GRAMD1B: variants seen among roughly 807,000 people sequenced by gnomAD.
GRAMD1B encodes the protein protein Aster-B.
A neutral mutation model predicts 99.7 loss-of-function variants in GRAMD1B; 37 were observed. That is an observed-to-expected ratio of 0.37 (90% CI 0.29 to 0.49). GRAMD1B has a LOEUF of 0.49. Among genes scored for constraint, GRAMD1B ranks in the 20% least tolerant of loss-of-function variants. The pLI, the probability that GRAMD1B is intolerant of heterozygous loss-of-function variation, is 0.98. For synonymous variants in GRAMD1B, 427 were observed against 387.6 expected (o/e 1.10, Z -1.19); for missense variants, 888 against 1,009.2 (o/e 0.88, Z 1.63).
intron 4 of GRAMD1B, among the ~76,000 whole-genome samples, chr11:123,589,992 T>C (rs1184970301): frequency 1.3e-5 from 2 of 152,202 alleles, no homozygotes; most frequent in Non-Finnish European, 2.9e-5. Context: ...ACCCCACTGC[T>C]GTCTCATCCC....
At chr11:123,597,129 CTTTTT>C (rs35382306) in intron 7 of GRAMD1B, among the ~76,000 whole-genome samples, 3 of 137,100 alleles carry the variant, frequency 2.2e-5, no homozygotes, top group Non-Finnish European at 3.2e-5. Context: ...AGTCCAACTC[CTTTTT>C]TTTTTTTTTT....
intron 1 of GRAMD1B, among the ~76,000 whole-genome samples, chr11:123,437,088 C>CT (rs1322070836): frequency 1.3e-5 from 2 of 152,102 alleles, no homozygotes; most frequent in East Asian, 1.9e-4. Context: ...TGAACTCATC[C>CT]TTTTTTATGG....
At chr11:123,603,724 C>T (rs1952308285) in intron 9 of GRAMD1B, among the ~76,000 whole-genome samples, 183 bp downstream of exon 9, 1 of 152,228 alleles carries the variant, frequency 6.6e-6, no homozygotes, top group Non-Finnish European at 1.5e-5. Flanking sequence ...AGGGCCTGGC[C>T]ATCTTTATGG....
At chr11:123,454,055 C>G (rs1950005489) in intron 1 of GRAMD1B, among the ~76,000 whole-genome samples, 1 of 152,236 alleles carries the variant, frequency 6.6e-6, no homozygotes, top group Non-Finnish European at 1.5e-5. Flanking sequence ...CTGAGTGTGA[C>G]TTTTATCCTG....
intron 1 of GRAMD1B, among the ~76,000 whole-genome samples, chr11:123,415,073 C>A (rs865875791): frequency 5.4e-5 from 6 of 112,030 alleles, no homozygotes; most frequent in South Asian, 3.2e-4. Context: ...TCTTTTTTTT[C>A]TTTTTTCTTT....
intron 1 of GRAMD1B, among the ~76,000 whole-genome samples, chr11:123,369,448 C>A (rs1392448704): frequency 6.6e-6 from 1 of 151,918 alleles, no homozygotes; most frequent in Non-Finnish European, 1.5e-5. Flanking sequence ...AAAATAAGAA[C>A]AAATAAACAA....
At chr11:123,411,694 A>G (rs1404959957) in intron 1 of GRAMD1B, among the ~76,000 whole-genome samples, 2 of 152,142 alleles carry the variant, frequency 1.3e-5, no homozygotes, top group African/African-American at 2.4e-5. Context: ...TTGCTCTGTC[A>G]CACAGGCTGG....
intron 17 of GRAMD1B, among the ~76,000 whole-genome samples, chr11:123,617,980 A>G (rs952181292): frequency 6.6e-6 from 1 of 152,170 alleles, no homozygotes; most frequent in African/African-American, 2.4e-5. Context: ...TATCAGGTTG[A>G]GGCAGGGAAC....
intron 1 of GRAMD1B, among the ~76,000 whole-genome samples, chr11:123,372,252 T>C (rs1428620723): frequency 6.6e-6 from 1 of 152,238 alleles, no homozygotes; most frequent in Admixed American, 6.5e-5. Context: ...CTTGGTTTTA[T>C]GGTGAATTCT....
upstream of GRAMD1B, among the ~76,000 whole-genome samples, chr11:123,428,753 T>C (rs1948742272): frequency 6.6e-6 from 1 of 152,222 alleles, no homozygotes; most frequent in Non-Finnish European, 1.5e-5. Flanking sequence ...TCGGGACACT[T>C]GTGAAATGTG....
intron 2 of GRAMD1B, 143 bp from the exon 3 acceptor site, chr11:123,577,224 C>A: frequency 1.4e-6 from 1 of 715,616 alleles, no homozygotes; most frequent in South Asian, 1.7e-5. Context: ...GCCTGGGCCC[C>A]TCTCTCCCGG....
rs1438852782 is a variant in GRAMD1B at position 123,542,017 on chromosome 11, A to T, written c.453-35350A>T. ...AGATGAGTACCCCTTCCAGAGTGTG[A>T]CTGTCGACCACTTCCCATCACTCCC... is the stretch of plus-strand genomic sequence containing the variant. On this transcript the variant is annotated intron_variant, in intron 2 of 19. Transcript: ENST00000635736. Among the ~76,000 whole-genome samples, 10 of 152,322 alleles carry T rather than the reference A, an allele frequency of 6.6e-5. No homozygotes were observed. In the East Asian group the frequency reaches 1.9e-3, roughly 29 times the overall value.
intron 2 of GRAMD1B, among the ~76,000 whole-genome samples, chr11:123,557,198 A>G (rs1031080855): frequency 6.6e-6 from 1 of 152,234 alleles, no homozygotes; most frequent in African/African-American, 2.4e-5. Flanking sequence ...CACTGCACAT[A>G]AATAGTACTC....
chr11:123,434,122 CG>C (rs1301445777), intron 1 of GRAMD1B, among the ~76,000 whole-genome samples: 6 of 147,726 alleles, frequency 4.1e-5, no homozygotes, highest in Non-Finnish European at 8.9e-5. Context: ...CCCAGCTACT[CG>C]GGAGGCTGAG....
At chr11:123,513,479 G>A (rs1203406201) in intron 2 of GRAMD1B, among the ~76,000 whole-genome samples, 3 of 151,578 alleles carry the variant, frequency 2.0e-5, no homozygotes, top group African/African-American at 4.9e-5. Flanking sequence ...CTGAGAGTTA[G>A]TTTCCTTCCT....
At chr11:123,451,193 C>T (rs1949871838) in intron 1 of GRAMD1B, among the ~76,000 whole-genome samples, 1 of 152,222 alleles carries the variant, frequency 6.6e-6, no homozygotes, top group Non-Finnish European at 1.5e-5. Context: ...GCCATGGGCT[C>T]TCCCACGGAA....
intron 7 of GRAMD1B, chr11:123,598,019 T>C: frequency 7.7e-7 from 1 of 1,298,226 alleles, no homozygotes. Flanking sequence ...TTCATATTCT[T>C]CCTCAGTGTC....
rs760816139 is a variant in GRAMD1B, at chr11:123,619,274, T to A, written c.2544+50T>A. On this transcript the variant is annotated intron_variant, in intron 19 of 19. Coordinates refer to ENST00000635736, the MANE Select transcript of GRAMD1B (RefSeq NM_001387025.1). ...TGCCCTGGTCTTTGGGAGCGGGGAC[T>A]CCTTCCCTTATGCTGTGAGAAAGAT... The A allele has an allele frequency of 2.6e-6, 4 of 1,546,348 alleles. 1 individual carries two copies. The Admixed American group carries it at 7.9e-5, about 30-fold the overall frequency.
At chr11:123,408,723 A>G (rs533086376) in intron 1 of GRAMD1B, among the ~76,000 whole-genome samples, 2 of 152,356 alleles carry the variant, frequency 1.3e-5, no homozygotes, top group South Asian at 4.1e-4. Context: ...ACATAAGTGG[A>G]ATTCACTAGG....
Sources: gnomAD v4.1 joint callset for allele counts (sites outside exome capture counted in the v4.1 genomes callset) on GRCh38, gnomAD v4.1.1 for gene constraint, MANE v1.5 for transcripts, NCBI Gene and HGNC (gene_info 2026-07-23, HGNC 2026-07-21) for gene names.